UGT1A9: variants seen among roughly 807,000 people sequenced by gnomAD.
UGT1A9 encodes the protein UDP-glucuronosyltransferase 1A9.
UGT1A9 carries 35 observed loss-of-function variants against 45.0 expected under a neutral mutation model. That is an observed-to-expected ratio of 0.78 (90% CI 0.59 to 1.03). UGT1A9 has a LOEUF of 1.03. Among genes scored for constraint, UGT1A9 ranks in the 50% least tolerant of loss-of-function variants. UGT1A9 has a pLI of 0.00. For synonymous variants in UGT1A9, 278 were observed against 250.6 expected (o/e 1.11, Z -1.03); for missense variants, 687 against 666.6 (o/e 1.03, Z -0.34).
At chr2:233,708,987 T>G (rs1038363322) in intron 1 of UGT1A9, among the ~76,000 whole-genome samples, 2 of 152,196 alleles carry the variant, frequency 1.3e-5, no homozygotes, top group Non-Finnish European at 2.9e-5. Flanking sequence ...TCCTCGGCCG[T>G]GGCATCCTTC....
At chr2:233,712,571 G>T (rs2076241686) in intron 1 of UGT1A9, among the ~76,000 whole-genome samples, 1 of 152,174 alleles carries the variant, frequency 6.6e-6, no homozygotes, top group African/African-American at 2.4e-5. Flanking sequence ...AGCAAATAGG[G>T]TCACATCCAG....
chr2:233,681,920 C>T (rs1559339144), intron 1 of UGT1A9: 2 of 1,605,606 alleles, frequency 1.2e-6, no homozygotes, highest in Non-Finnish European at 1.7e-6. Flanking sequence ...GCTGCTGGCT[C>T]TGGGCTGAAG....
At chr2:233,748,947 C>G (rs900612588) in intron 1 of UGT1A9, among the ~76,000 whole-genome samples, 1 of 151,662 alleles carries the variant, frequency 6.6e-6, no homozygotes, top group Non-Finnish European at 1.5e-5. Context: ...CCCACCCTAT[C>G]CCACTCCAAG....
Position 233,772,248 on chromosome 2 carries a change from G to A in UGT1A9, c.1296-14G>A. ...CAGGTGTTCCAGGCATAACGAAACT[G>A]TCTTTGTGTTTAGTTACAAGGAGAA... is the stretch of plus-strand genomic sequence containing the variant. On this transcript the variant is annotated splice_polypyrimidine_tract_variant and intron_variant, in intron 4 of 4. Transcript: ENST00000354728. 6.2e-7 allele frequency: 1 copy of A among 1,614,220 alleles called. No individual in the cohort carries two copies. The highest frequency in any genetic ancestry group is 1.7e-5 in the Admixed American group (1 of 60,030).
intron 1 of UGT1A9, among the ~76,000 whole-genome samples, chr2:233,749,940 G>A (rs145039541): frequency 4.6e-5 from 7 of 151,802 alleles, no homozygotes; most frequent in Non-Finnish European, 7.3e-5. Context: ...TTTCCTTTAT[G>A]AATTACCGAG....
chr2:233,711,133 G>C (rs1434131378), intron 1 of UGT1A9, among the ~76,000 whole-genome samples: 1 of 152,222 alleles, frequency 6.6e-6, no homozygotes, highest in Non-Finnish European at 1.5e-5. Flanking sequence ...CCTGGAAGCT[G>C]ATGCCTTGGG....
rs28934877 is a variant in UGT1A9 at position 233,768,333 on chromosome 2, A to G, written c.1189A>G (p.Asn397Asp). The G allele has an allele frequency of 9.9e-6, 16 of 1,614,100 alleles. No homozygotes were observed. The highest frequency in any genetic ancestry group is 1.2e-5 in the Non-Finnish European group (14 of 1,180,052). Residue 397 changes from asparagine (N) to aspartate (D), a missense_variant, in exon 4 of 5, where the codon AAT becomes GAT. Coordinates refer to ENST00000354728, the MANE Select transcript of UGT1A9 (RefSeq NM_021027.3). Reference sequence around the variant, plus strand: ...GCCCTTGTTTGGTGATCAGATGGACAATGCAAAGCGCATGGAGACTAAGGG... The same window carrying G: ...GCCCTTGTTTGGTGATCAGATGGACGATGCAAAGCGCATGGAGACTAAGGG... ...MMPLFGDQMD[N>D]AKRMETKGAG...
At chr2:233,714,096 G>A (rs17862870) in intron 1 of UGT1A9, among the ~76,000 whole-genome samples, 15,413 of 152,100 alleles carry the variant, frequency 0.1, 898 homozygotes, top group East Asian at 0.2. Context: ...CAAAGGATGG[G>A]CAAGAGTGGT....
intron 1 of UGT1A9, among the ~76,000 whole-genome samples, chr2:233,728,850 A>T (rs1449608230): frequency 6.6e-6 from 1 of 152,198 alleles, no homozygotes; most frequent in East Asian, 1.9e-4. Flanking sequence ...TGGGAATTGG[A>T]TGAGAAACAA....
At position 233,769,854 on chromosome 2, in the gene UGT1A9, T is replaced by G; in HGVS notation, c.1295+1415T>G. ...ACCTGGGCAACAGAGTGAGACCCTG[T>G]CTCAAAAAAAAAAAAAAAAATGAAA... On this transcript the variant is annotated intron_variant, in intron 4 of 4. Coordinates refer to ENST00000354728, the MANE Select transcript of UGT1A9 (RefSeq NM_021027.3). This position sits in a 1 kb window ranked among gnomAD's most constrained non-coding sequence, Gnocchi z 4.4. The G allele has an allele frequency of 2.3e-6, 1 of 426,362 alleles. No homozygotes were observed. Among genetic ancestry groups the G allele is most frequent in the Non-Finnish European group, 3.7e-6 (1 of 266,728 alleles). The allele number at this position is 426,362 out of a possible 1,614,324, so 26.4% of individuals were successfully genotyped here.
chr2:233,732,686 C>T (rs1472057155), intron 1 of UGT1A9, among the ~76,000 whole-genome samples: 1 of 151,722 alleles, frequency 6.6e-6, no homozygotes, highest in African/African-American at 2.4e-5. Flanking sequence ...GGTACCAGCA[C>T]CCATGCTGTT....
intron 1 of UGT1A9, among the ~76,000 whole-genome samples, chr2:233,683,822 G>A (rs147688606): frequency 2.0e-5 from 3 of 151,948 alleles, no homozygotes; most frequent in South Asian, 2.1e-4. Flanking sequence ...CTAAACTCTC[G>A]TATTAGTATG....
At position 233,729,391 on chromosome 2, in the gene UGT1A9, T is replaced by C. The variant is rs1264943751; in HGVS notation, c.856-37643T>C. On this transcript the variant is annotated intron_variant, in intron 1 of 4. Transcript: ENST00000354728. ...TGCCATTTCGTGGACCCAGGATGAA[T>C]TTGATCGCCATGTGCTGGGCCACAC... 6.2e-7 allele frequency: 1 copy of C among 1,613,898 alleles called. No individual in the cohort carries two copies. Among genetic ancestry groups the C allele is most frequent in the Non-Finnish European group, 8.5e-7 (1 of 1,179,836 alleles).
In UGT1A9 at chr2:233,719,228, C is replaced by G. The variant is rs756302430; in HGVS notation, c.855+46439C>G. Reference sequence around the variant, plus strand: ...GTGTGGAGCTACTGCATAATGAGGCCCTGATCAGGCACCTGAATGCTACTT... The same window carrying G: ...GTGTGGAGCTACTGCATAATGAGGCGCTGATCAGGCACCTGAATGCTACTT... On this transcript the variant is annotated intron_variant, in intron 1 of 4. Transcript: ENST00000354728. 3 of 1,614,146 alleles carry G rather than the reference C, an allele frequency of 1.9e-6. No individual in the cohort carries two copies. The Admixed American group carries it at 5.0e-5, about 27-fold the overall frequency.
At chr2:233,682,905 G>C in intron 1 of UGT1A9, 1 of 1,497,524 alleles carries the variant, frequency 6.7e-7, no homozygotes, top group Non-Finnish European at 8.8e-7. Flanking sequence ...ATTTCTTTCT[G>C]GTTTAAGGAA....
intron 1 of UGT1A9, chr2:233,747,353 C>T (rs1297550032): frequency 5.6e-6 from 9 of 1,602,858 alleles, no homozygotes; most frequent in East Asian, 2.2e-5. Context: ...TGCGGGAGGC[C>T]GTGCGGGAGC....
chr2:233,707,058 A>C (rs1363542701), intron 1 of UGT1A9, among the ~76,000 whole-genome samples: 1 of 152,162 alleles, frequency 6.6e-6, no homozygotes, highest in Non-Finnish European at 1.5e-5. Flanking sequence ...TCAGGTGGAC[A>C]GAGTCCCATC....
intron 1 of UGT1A9, among the ~76,000 whole-genome samples, chr2:233,728,411 T>C (rs945344211): frequency 6.6e-6 from 1 of 152,174 alleles, no homozygotes; most frequent in African/African-American, 2.4e-5. Context: ...GTGCTTTAGA[T>C]AGCAGCACCT....
Position 233,672,332 on chromosome 2 carries a change from T to G in UGT1A9, c.398T>G (p.Leu133Ter), listed in dbSNP as rs973334841. 6.2e-7 allele frequency: 1 copy of G among 1,614,046 alleles called. No individual in the cohort carries two copies. The highest frequency in any genetic ancestry group is 8.5e-7 in the Non-Finnish European group (1 of 1,180,020). ...NCRSLFKDKK[L>*]VEYLKESSFD... ...AGGAGTTTGTTTAAAGACAAAAAAT[T>G]AGTAGAATACTTAAAGGAGAGTTCT... Residue 133 changes from leucine (L) to a stop codon, truncating the protein, a stop_gained, in exon 1 of 5, where the codon TTA (leucine) becomes TGA (stop). Transcript: ENST00000354728. LOFTEE classifies it high-confidence loss of function.
Sources: gnomAD v4.1 joint callset for allele counts (sites outside exome capture counted in the v4.1 genomes callset) on GRCh38, gnomAD v4.1.1 for gene constraint, Gnocchi (gnomAD v3.1) non-coding constraint, MANE v1.5 for transcripts, NCBI Gene and HGNC (gene_info 2026-07-23, HGNC 2026-07-21) for gene names.